Variants in LIMS1 observed in about 807,000 individuals in gnomAD.
LIMS1 encodes LIM zinc finger domain containing 1.
A neutral mutation model predicts 44.1 loss-of-function variants in LIMS1; 18 were observed. The observed-to-expected ratio is 0.41, with a 90% CI of 0.28 to 0.61. The LOEUF (loss-of-function observed/expected upper bound fraction) is 0.61, where lower values mean the gene tolerates loss of function less well. LIMS1 is among the 20% of genes least tolerant of loss of function. The pLI is 0.32. For synonymous variants in LIMS1, 93 were observed against 149.1 expected (o/e 0.62, Z 2.74); for missense variants, 201 against 422.0 (o/e 0.48, Z 4.59).
At chr2:108,595,358 C>T (rs1413056989) in intron 1 of LIMS1, among the ~76,000 whole-genome samples, 1 of 152,154 alleles carries the variant, frequency 6.6e-6, no homozygotes, top group Non-Finnish European at 1.5e-5. Flanking sequence ...AGGAAGTAAG[C>T]ATGAACAAAC....
chr2:108,585,024 G>A (rs1334936531), intron 1 of LIMS1, among the ~76,000 whole-genome samples: 1 of 151,874 alleles, frequency 6.6e-6, no homozygotes, highest in Non-Finnish European at 1.5e-5. Flanking sequence ...GGTGGCACGT[G>A]CCTGTTGACC....
At chr2:108,681,282 A>G in intron 9 of LIMS1, 1 of 985,394 alleles carries the variant, frequency 1.0e-6, no homozygotes, top group Non-Finnish European at 1.2e-6. Flanking sequence ...TCCTATGTAG[A>G]ACTGGTCCTT....
Position 108,675,973 on chromosome 2 carries a change from G to A in LIMS1, c.626G>A (p.Arg209Gln), listed in dbSNP as rs575208845. ...GGGGTCCCCATCTGTGGTGCTTGCC[G>A]ACGGCCCATCGAAGGGCGCGTGGTG... Residue 209 changes from arginine (R) to glutamine (Q), a missense_variant, in exon 6 of 10, where the codon CGA (arginine) becomes CAA (glutamine). Transcript: ENST00000544547. The A allele has an allele frequency of 1.2e-6, 2 of 1,614,000 alleles. No homozygotes were observed. Among genetic ancestry groups the A allele is most frequent in the South Asian group, 1.1e-5 (1 of 91,072 alleles).
At chr2:108,552,777 C>G (rs762925903) in intron 1 of LIMS1, among the ~76,000 whole-genome samples, 1 of 151,912 alleles carries the variant, frequency 6.6e-6, no homozygotes, top group South Asian at 2.1e-4. Flanking sequence ...AAGGTTGCAC[C>G]GTGTTGCCCA....
At chr2:108,661,942 C>A (rs1018798955) in intron 2 of LIMS1, among the ~76,000 whole-genome samples, 1 of 151,966 alleles carries the variant, frequency 6.6e-6, no homozygotes, top group Non-Finnish European at 1.5e-5. Flanking sequence ...AGCAGGTTTG[C>A]GACATGAAAG....
At chr2:108,537,990 G>C (rs1684197953) in intron 1 of LIMS1, among the ~76,000 whole-genome samples, 2 of 152,144 alleles carry the variant, frequency 1.3e-5, no homozygotes. Flanking sequence ...ATAAACCTCA[G>C]TATAGGTCAT....
intron 1 of LIMS1, among the ~76,000 whole-genome samples, chr2:108,639,063 T>G (rs1357554819): frequency 6.6e-6 from 1 of 152,124 alleles, no homozygotes; most frequent in Non-Finnish European, 1.5e-5. Context: ...AAATGTCTAC[T>G]TAAGGGCCTC....
chr2:108,551,666 A>T, intron 1 of LIMS1, among the ~76,000 whole-genome samples: 1 of 142,288 alleles, frequency 7.0e-6, no homozygotes, highest in East Asian at 2.0e-4. Flanking sequence ...ATGTATATAC[A>T]CATATATACA....
intron 1 of LIMS1, among the ~76,000 whole-genome samples, chr2:108,591,415 C>T (rs552487068): frequency 2.6e-5 from 4 of 152,050 alleles, no homozygotes; most frequent in East Asian, 3.9e-4. Flanking sequence ...TCAGTAGTTC[C>T]GCAAGTTCCC....
intron 1 of LIMS1, among the ~76,000 whole-genome samples, chr2:108,630,212 AAAAG>A (rs1480429397): frequency 8.7e-5 from 12 of 137,210 alleles, no homozygotes; most frequent in South Asian, 5.8e-4. Context: ...AAAAAAAAAA[AAAAG>A]AAAGAAAAGA....
chr2:108,605,240 C>T (rs1687212664), intron 1 of LIMS1, among the ~76,000 whole-genome samples: 1 of 152,190 alleles, frequency 6.6e-6, no homozygotes, highest in African/African-American at 2.4e-5. Flanking sequence ...CAGTACCCAG[C>T]ATTGGTCCAT....
intron 1 of LIMS1, among the ~76,000 whole-genome samples, chr2:108,620,750 G>T (rs1423232948): frequency 6.6e-6 from 1 of 152,070 alleles, no homozygotes; most frequent in Non-Finnish European, 1.5e-5. Flanking sequence ...TTTAATGAGG[G>T]GTGGGTGGAC....
intron 1 of LIMS1, among the ~76,000 whole-genome samples, chr2:108,630,677 C>A (rs1189085034): frequency 1.4e-5 from 2 of 147,320 alleles, no homozygotes; most frequent in Admixed American, 6.6e-5. Flanking sequence ...AACATCTATC[C>A]CAGTAGTCAG....
intron 1 of LIMS1, among the ~76,000 whole-genome samples, chr2:108,542,725 C>T (rs1684354213): frequency 6.6e-6 from 1 of 152,112 alleles, no homozygotes. Context: ...GTAGCCTTTC[C>T]TTTTTTAAGG....
At chr2:108,669,349 A>G (rs1375472888) in intron 2 of LIMS1, among the ~76,000 whole-genome samples, 2 of 152,150 alleles carry the variant, frequency 1.3e-5, no homozygotes, top group Non-Finnish European at 2.9e-5. Context: ...CAGAGGTTAC[A>G]GTGAGCCAAG....
At chr2:108,607,279 A>G in intron 1 of LIMS1, 1 of 1,549,428 alleles carries the variant, frequency 6.5e-7, no homozygotes, top group East Asian at 2.4e-5. Context: ...CACAATATTG[A>G]GCTGTTCCCC....
chr2:108,668,588 A>C (rs1490372294), intron 2 of LIMS1, among the ~76,000 whole-genome samples: 1 of 152,134 alleles, frequency 6.6e-6, no homozygotes. Flanking sequence ...TATATGTACC[A>C]TATTTTTTTA....
chr2:108,550,311 C>T (rs748793370), intron 1 of LIMS1, among the ~76,000 whole-genome samples: 8 of 148,864 alleles, frequency 5.4e-5, no homozygotes, highest in Non-Finnish European at 4.4e-5. Flanking sequence ...CTGGCTAACA[C>T]GGTGAAACCC....
chr2:108,683,981 G>A (rs1292257269), exon 10 of LIMS1: 1 of 1,568,180 alleles, frequency 6.4e-7, no homozygotes, highest in Non-Finnish European at 8.7e-7. Flanking sequence ...AACTAGCTGA[G>A]ACCTTAGGAA....
Sources: gnomAD v4.1 joint callset for allele counts (sites outside exome capture counted in the v4.1 genomes callset) on GRCh38, gnomAD v4.1.1 for gene constraint, MANE v1.5 for transcripts, NCBI Gene and HGNC (gene_info 2026-07-23, HGNC 2026-07-21) for gene names.